Variants in KMT2D observed in about 807,000 individuals in gnomAD.
KMT2D encodes lysine methyltransferase 2D, also known as histone-lysine N-methyltransferase 2D.
KMT2D carries 55 observed loss-of-function variants against 512.7 expected under a neutral mutation model. The observed-to-expected ratio is 0.11, with a 90% CI of 0.09 to 0.13. The LOEUF is 0.13. Ranked by LOEUF, KMT2D falls within the 10% of genes least tolerant of loss-of-function variation. The pLI is 1.00. For synonymous variants in KMT2D, 2,995 were observed against 2,904.0 expected (o/e 1.03, Z -1.01); for missense variants, 6,061 against 7,127.9 (o/e 0.85, Z 5.39).
chr12:49,043,904 C>T lies in KMT2D; in HGVS notation c.5283G>A (p.Lys1761=). 1.2e-6 allele frequency: 2 copies of T among 1,614,086 alleles called. No individual in the cohort carries two copies. The highest frequency in any genetic ancestry group is 1.7e-6 in the Non-Finnish European group (2 of 1,179,916). ...CAGGGAACATGTCCTCCAGTTTGCT[C>T]TTCTTGCGCCCTCGCCGCTGTTGCT... ...KKKQQRRGRK[K]SKLEDMFPAY... The change falls in exon 23 of 55, where the codon AAG becomes AAA. Residue 1761 remains lysine, a synonymous_variant. Coordinates refer to ENST00000301067, the MANE Select transcript of KMT2D (RefSeq NM_003482.4).
intron 6 of KMT2D, 82 bp downstream of exon 6, chr12:49,053,896 G>C (rs2120701383): frequency 7.0e-7 from 1 of 1,419,540 alleles, no homozygotes. Flanking sequence ...GCTATACTTT[G>C]ATCAGTGCTC....
At position 49,021,768 on chromosome 12, in the gene KMT2D, C is replaced by G. The variant is rs1189296253; in HGVS notation, c.*12G>C. On this transcript the variant is annotated 3_prime_UTR_variant, in exon 55 of 55. Coordinates refer to ENST00000301067, the MANE Select transcript of KMT2D (RefSeq NM_003482.4). ...GTAGGGGGACTCCCCTGCCTGGTAG[C>G]CTCAAAGCTTCTTAGTTCATCCATT... 3 of 1,607,156 alleles carry G rather than the reference C, an allele frequency of 1.9e-6. No homozygotes were observed. In the Admixed American group the frequency reaches 5.0e-5, roughly 27 times the overall value.
rs200754433 is a variant in KMT2D at position 49,039,623 on chromosome 12, C to CA, written c.8047-7dup. ...AGCTCTCGTAGTCGCTGGCGCTATG[C>CA]AAAAAAAAGAGAAGAGGAATAAGCC... On this transcript the variant is annotated splice_region_variant and splice_polypyrimidine_tract_variant and intron_variant, in intron 32 of 54. Coordinates refer to ENST00000301067, the MANE Select transcript of KMT2D (RefSeq NM_003482.4). This position sits in a 1 kb window ranked among gnomAD's most constrained non-coding sequence, Gnocchi z 5.0. The CA allele has an allele frequency of 2.0e-3, 3,196 of 1,599,132 alleles. 40 individuals carry two copies. In the African/African-American group the frequency reaches 0.036, roughly 18 times the overall value.
Position 49,019,321 on chromosome 12 carries a change from CTG to C in KMT2D, c.*2457_*2458del, listed in dbSNP as rs1245365271. 1 of 254,362 alleles carries C rather than the reference CTG, an allele frequency of 3.9e-6. No homozygotes were observed. Among genetic ancestry groups the C allele is most frequent in the African/African-American group, 2.8e-5 (1 of 35,380 alleles). 15.8% of individuals were successfully genotyped at this position (254,362 alleles called of 1,614,324 possible). ...AGACTGTAAAGGGGAAAACTGAAAA[CTG>C]AGTATGTGCGAGTGTAAACCAACCC... On this transcript the variant is annotated 3_prime_UTR_variant, in exon 55 of 55. Coordinates refer to ENST00000301067, the MANE Select transcript of KMT2D (RefSeq NM_003482.4).
intron 1 of KMT2D, among the ~76,000 whole-genome samples, 163 bp from the exon 2 acceptor site, chr12:49,055,524 G>A (rs1302566440): frequency 6.6e-6 from 1 of 152,118 alleles, no homozygotes; most frequent in African/African-American, 2.4e-5. Context: ...AACCTGTAGG[G>A]TCACTTCCTC....
In KMT2D at chr12:49,040,596, G is replaced by A. The variant is rs887990238; in HGVS notation, c.7174C>T (p.Pro2392Ser). 3.1e-6 allele frequency: 5 copies of A among 1,613,546 alleles called. No homozygotes were observed. Among genetic ancestry groups the A allele is most frequent in the Admixed American group, 3.3e-5 (2 of 59,980 alleles). Reference protein sequence around the residue: ...PLTPRPQPPPPESCCALPPRS... With the variant: ...PLTPRPQPPPSESCCALPPRS... Reference sequence around the variant, plus strand: ...GGGGGCAGAGCACAGCAGCTCTCAGGGGGCGGAGGTTGGGGCCGAGGAGTC... The same window carrying A: ...GGGGGCAGAGCACAGCAGCTCTCAGAGGGCGGAGGTTGGGGCCGAGGAGTC... The change falls in exon 32 of 55, where the codon CCT becomes TCT. Residue 2392 changes from proline (P) to serine (S), a missense_variant. By Grantham distance (74) the Pro-to-Ser change is moderately conservative. This residue lies in a region of KMT2D where 710 missense variants were observed against 647.3 expected (regional missense o/e 1.10). Transcript: ENST00000301067.
chr12:49,060,637 C>T lies in KMT2D; in HGVS notation c.-1062G>A, dbSNP rs1938698653. On this transcript the variant is annotated 5_prime_UTR_variant, in exon 1 of 55. Coordinates refer to ENST00000301067, the MANE Select transcript of KMT2D (RefSeq NM_003482.4). ...TGTTCGGCCGGTAGGGTGGTTCCTG[C>T]GAAGGGGCTATTTCCTGGCCCAAGA... Among the ~76,000 whole-genome samples the T allele has an allele frequency of 6.6e-6, 1 of 152,222 alleles. No homozygotes were observed. Among genetic ancestry groups the T allele is most frequent in the African/African-American group, 2.4e-5 (1 of 41,456 alleles).
At position 49,051,531 on chromosome 12, in the gene KMT2D, G is replaced by C; in HGVS notation, c.2152C>G (p.Leu718Val). Reference sequence around the variant, plus strand: ...AACAGGGGTGACTCCTCCAGCGGCAGGGACATGAGCGAGTCCTCCGGTGGT... The same window carrying C: ...AACAGGGGTGACTCCTCCAGCGGCACGGACATGAGCGAGTCCTCCGGTGGT... Reference protein sequence around the residue: ...SPPPEDSLMSLPLEESPLLPL... With the variant: ...SPPPEDSLMSVPLEESPLLPL... Residue 718 changes from leucine to valine, a missense_variant, in exon 11 of 55, where the codon CTG becomes GTG. Leu to Val is a conservative substitution (Grantham distance 32, BLOSUM62 1). Around this residue, in one of 16 missense-constraint regions of KMT2D, gnomAD observed 848 missense variants for 838.5 expected, o/e 1.01. Coordinates refer to ENST00000301067, the MANE Select transcript of KMT2D (RefSeq NM_003482.4). The C allele has an allele frequency of 1.2e-6, 2 of 1,613,440 alleles. No homozygotes were observed. The highest frequency in any genetic ancestry group is 2.2e-5 in the South Asian group (2 of 91,034).
chr12:49,019,507 A>G lies in KMT2D; in HGVS notation c.*2273T>C. The G allele has an allele frequency of 4.4e-6, 1 of 225,408 alleles. No individual in the cohort carries two copies. The allele number at this position is 225,408 out of a possible 1,614,324, so 14.0% of individuals were successfully genotyped here. A position where few individuals can be genotyped will look rare whatever the true frequency, so the allele number is the denominator to read the frequency against. ...AAAAACTGTATAAGGTTTCTTCACT[A>G]AATTCTACAGGACTATCGGATACCT... On this transcript the variant is annotated 3_prime_UTR_variant, in exon 55 of 55. Transcript: ENST00000301067.
Position 49,053,457 on chromosome 12 carries a change from C to T in KMT2D, c.839+19G>A, listed in dbSNP as rs2120696205. The T allele has an allele frequency of 1.9e-6, 3 of 1,610,956 alleles. No homozygotes were observed. Among genetic ancestry groups the T allele is most frequent in the Non-Finnish European group, 2.5e-6 (3 of 1,177,994 alleles). On this transcript the variant is annotated intron_variant, in intron 7 of 54. Coordinates refer to ENST00000301067, the MANE Select transcript of KMT2D (RefSeq NM_003482.4). ...CCTGTGTTGTGCCTAAGACTTTCCT[C>T]CTGCCCTTCCATTCCTACCTGCAGG...
In KMT2D at chr12:49,042,546, C is replaced by G. The variant is rs145380428; in HGVS notation, c.5867+15G>C. The G allele has an allele frequency of 1.7e-5, 28 of 1,612,502 alleles. No homozygotes were observed. In the African/African-American group the frequency reaches 3.3e-4, roughly 19 times the overall value. ...CAACGAGGACTGCCCACAAAGGTTACGCAGAGACACCAACCTAGAATCCAG... is the reference window on the plus strand; with the variant it reads ...CAACGAGGACTGCCCACAAAGGTTAGGCAGAGACACCAACCTAGAATCCAG... On this transcript the variant is annotated intron_variant, in intron 28 of 54. Transcript: ENST00000301067. The surrounding 1 kb of genome is among the most constrained non-coding windows in gnomAD (Gnocchi z 4.4).
rs1422481008 is a variant in KMT2D at position 49,027,078 on chromosome 12, G to A, written c.14888C>T (p.Pro4963Leu). The change falls in exon 49 of 55, where the codon CCC becomes CTC. Residue 4963 changes from proline (P) to leucine (L), a missense_variant. Physicochemically the swap from Pro to Leu is moderately conservative, Grantham distance 98. Coordinates refer to ENST00000301067, the MANE Select transcript of KMT2D (RefSeq NM_003482.4). ...ASSPESARPK[P>L]RARPPEEGED... is the part of the protein sequence containing the mutation. Reference sequence around the variant, plus strand: ...ACCTTCTTCAGGGGGCCGGGCACGGGGCTTGGGTCGGGCTGATTCAGGGGA... The same window carrying A: ...ACCTTCTTCAGGGGGCCGGGCACGGAGCTTGGGTCGGGCTGATTCAGGGGA... 1.2e-6 allele frequency: 2 copies of A among 1,612,848 alleles called. No homozygotes were observed. The highest frequency in any genetic ancestry group is 1.7e-6 in the Non-Finnish European group (2 of 1,179,126).
At chr12:49,028,211 T>C in intron 46 of KMT2D, 70 bp from the exon 47 acceptor site, 1 of 1,599,664 alleles carries the variant, frequency 6.3e-7, no homozygotes. Flanking sequence ...TACTACCAGC[T>C]GGGTGGGGAC....
chr12:49,041,273 T>C lies in KMT2D; in HGVS notation c.6497A>G (p.Gln2166Arg), dbSNP rs745554910. 7.2e-6 allele frequency: 11 copies of C among 1,519,198 alleles called. No homozygotes were observed. Among genetic ancestry groups the C allele is most frequent in the Admixed American group, 6.7e-5 (3 of 44,936 alleles). 94.1% of individuals were successfully genotyped at this position (1,519,198 alleles called of 1,614,324 possible). Residue 2166 changes from glutamine (Q) to arginine (R), a missense_variant, in exon 32 of 55, where the codon CAG becomes CGG. By Grantham distance (43) the Gln-to-Arg change is conservative. Coordinates refer to ENST00000301067, the MANE Select transcript of KMT2D (RefSeq NM_003482.4). This position sits in a 1 kb window ranked among gnomAD's most constrained non-coding sequence, Gnocchi z 5.4. Reference sequence around the variant, plus strand: ...CTGCGAAGGCACTTGGGCGGGCACCTGGGGTGGGAGCTTGAGGAAGAGCTC... The same window carrying C: ...CTGCGAAGGCACTTGGGCGGGCACCCGGGGTGGGAGCTTGAGGAAGAGCTC... The part of the protein sequence containing the change: ...PGELFLKLPP[Q>R]VPAQVPSQDP...
In KMT2D at chr12:49,022,799, T is replaced by C; in HGVS notation, c.16129A>G (p.Ser5377Gly). The C allele has an allele frequency of 6.2e-7, 1 of 1,613,962 alleles. No homozygotes were observed. Among genetic ancestry groups the C allele is most frequent in the East Asian group, 2.2e-5 (1 of 44,886 alleles). ...GACTTGGAGTGCACAAACTGCTTGC[T>C]GTAGGGGGTGTTGGTCTCGCCTGTG... Reference protein sequence around the residue: ...TFTGETNTPYSKQFVHSKSSQ... With the variant: ...TFTGETNTPYGKQFVHSKSSQ... Residue 5377 changes from serine (S) to glycine (G), a missense_variant, in exon 52 of 55, where the codon AGC becomes GGC. Physicochemically the swap from Ser to Gly is moderately conservative, Grantham distance 56. Transcript: ENST00000301067. This position sits in a 1 kb window ranked among gnomAD's most constrained non-coding sequence, Gnocchi z 8.6.
chr12:49,052,933 T>A lies in KMT2D; in HGVS notation c.1094A>T (p.His365Leu), dbSNP rs751011919. The A allele has an allele frequency of 6.2e-7, 1 of 1,614,002 alleles. No individual in the cohort carries two copies. The highest frequency in any genetic ancestry group is 1.1e-5 in the South Asian group (1 of 91,090). ...CACTTACCTGCTACACACCGGGGTA[T>A]GCTGCTCAGCAACGGAGCGGATAGT... ...GQTIRSVAEQ[H>L]TPVCSRFSPP... The change falls in exon 9 of 55, where the codon CAT becomes CTT. Residue 365 changes from histidine (H) to leucine (L), a missense_variant. Coordinates refer to ENST00000301067, the MANE Select transcript of KMT2D (RefSeq NM_003482.4).
rs1175643324 is a variant in KMT2D at position 49,026,254 on chromosome 12, G to A, written c.15712C>T (p.Arg5238Trp). Reference protein sequence around the residue: ...YRCSIGENNGRPEFVIKVIEQ... With the variant: ...YRCSIGENNGWPEFVIKVIEQ... ...ATGACTTTGATTACAAACTCCGGCC[G>A]CCCGTTGTTCTCACCAATAGAACAG... Residue 5238 changes from arginine (R) to tryptophan (W), a missense_variant, in exon 49 of 55, where the codon CGG becomes TGG. By Grantham distance (101) the Arg-to-Trp change is moderately radical (BLOSUM62 -3). Coordinates refer to ENST00000301067, the MANE Select transcript of KMT2D (RefSeq NM_003482.4). The surrounding 1 kb of genome is among the most constrained non-coding windows in gnomAD (Gnocchi z 9.6). 2.5e-6 allele frequency: 4 copies of A among 1,604,784 alleles called. No individual in the cohort carries two copies. Among genetic ancestry groups the A allele is most frequent in the Middle Eastern group, 1.7e-4 (1 of 6,058 alleles).
rs987543629 is a variant in KMT2D, at chr12:49,019,604, C to G, written c.*2176G>C. The G allele has an allele frequency of 8.7e-6, 2 of 229,596 alleles. No homozygotes were observed. Among genetic ancestry groups the G allele is most frequent in the East Asian group, 1.2e-4 (2 of 16,152 alleles). 14.2% of individuals were successfully genotyped at this position (229,596 alleles called of 1,614,324 possible). A position where few individuals can be genotyped will look rare whatever the true frequency, so the allele number is the denominator to read the frequency against. The stretch of plus-strand genomic sequence containing the variant: ...GGCCCAAGCCCCAAACACAGCCTGA[C>G]TCACGGGAGCCAATCTCCCCCTCCC... On this transcript the variant is annotated 3_prime_UTR_variant, in exon 55 of 55. Transcript: ENST00000301067.
In KMT2D at chr12:49,033,116, C is replaced by G. The variant is rs748278699; in HGVS notation, c.11589G>C (p.Gln3863His). 6.4e-7 allele frequency: 1 copy of G among 1,551,378 alleles called. No individual in the cohort carries two copies. Among genetic ancestry groups the G allele is most frequent in the African/African-American group, 1.4e-5 (1 of 73,010 alleles). ...VTAQQQQQQQ[Q>H]HQQQGSMAGL... The stretch of plus-strand genomic sequence containing the variant: ...CTGCCATGGACCCTTGCTGTTGGTG[C>G]TGTTGTTGCTGCTGCTGCTGCTGGG... Residue 3863 changes from glutamine (Q) to histidine (H), a missense_variant, in exon 40 of 55, where the codon CAG becomes CAC. Gln to His is a conservative substitution (Grantham distance 24). This residue lies in a region of KMT2D where 1,600 missense variants were observed against 1,754.9 expected (regional missense o/e 0.91). Transcript: ENST00000301067.
Sources: gnomAD v4.1 joint callset for allele counts (sites outside exome capture counted in the v4.1 genomes callset) on GRCh38, gnomAD v4.1.1 for gene constraint, gnomAD v4.1.1 regional missense constraint, Gnocchi (gnomAD v3.1) non-coding constraint, MANE v1.5 for transcripts, NCBI Gene and HGNC (gene_info 2026-07-23, HGNC 2026-07-21) for gene names.